The following TIAL1 variants were observed in gnomAD, a reference collection of about 807,000 sequenced individuals.
TIAL1 encodes nucleolysin TIAR.
TIAL1 carries 7 observed loss-of-function variants against 59.7 expected under a neutral mutation model. That is an observed-to-expected ratio of 0.12 (90% confidence interval 0.07 to 0.22). The LOEUF (loss-of-function observed/expected upper bound fraction) is 0.22, where lower values mean the gene tolerates loss of function less well. Among genes scored for constraint, TIAL1 ranks in the 10% least tolerant of loss-of-function variants. The pLI, the probability that TIAL1 is intolerant of heterozygous loss-of-function variation, is 1.00. For missense variants in TIAL1, 225 were observed against 462.5 expected (o/e 0.49, Z 4.71); for synonymous variants, 149 against 146.3 (o/e 1.02, Z -0.13).
rs1324658160 is a variant in TIAL1, at chr10:119,575,668, C to G, written c.1125G>C (p.Gln375His). 1.2e-6 allele frequency: 2 copies of G among 1,613,522 alleles called. No individual in the cohort carries two copies. Among genetic ancestry groups the G allele is most frequent in the Non-Finnish European group, 1.7e-6 (2 of 1,179,766 alleles). Residue 375 changes from glutamine to histidine, a missense_variant, in exon 12 of 12, where the codon CAG becomes CAC. Coordinates refer to ENST00000436547, the MANE Select transcript of TIAL1 (RefSeq NM_003252.4). ...AATTTTTTTTTAGAGTCCCGGCTCA[C>G]TGTGTTTGGTAACTTGCCATACCAT... ...AGYGMASYQT[Q>H] is the part of the protein sequence containing the mutation.
At chr10:119,585,194 T>A (rs538313963) in intron 2 of TIAL1, among the ~76,000 whole-genome samples, 2 of 150,370 alleles carry the variant, frequency 1.3e-5, no homozygotes, top group Non-Finnish European at 2.9e-5. Context: ...CTCAGCACTT[T>A]AGGAGGATGA....
At chr10:119,588,544 G>A (rs968706390) in intron 1 of TIAL1, among the ~76,000 whole-genome samples, 1 of 152,118 alleles carries the variant, frequency 6.6e-6, no homozygotes, top group Non-Finnish European at 1.5e-5. Context: ...GGGTTTCATC[G>A]TATTGGTCAG....
At chr10:119,587,195 C>G (rs1845609257) in intron 2 of TIAL1, among the ~76,000 whole-genome samples, 1 of 152,202 alleles carries the variant, frequency 6.6e-6, no homozygotes, top group African/African-American at 2.4e-5. Context: ...CTAGCCCTTT[C>G]CATAAACTCC....
In TIAL1 at chr10:119,574,774, T is replaced by C. The variant is rs944972731; in HGVS notation, c.*891A>G. The C allele has an allele frequency of 1.3e-5, 2 of 152,620 alleles. No individual in the cohort carries two copies. Among genetic ancestry groups the C allele is most frequent in the Non-Finnish European group, 2.9e-5 (2 of 68,022 alleles). The allele number at this position is 152,620 out of a possible 1,614,324, so 9.5% of individuals were successfully genotyped here. ...TTAACATTCTGATCAATCCACTGCA[T>C]TCAATGCAGCGGAGTGTGTTAAGTG... On this transcript the variant is annotated 3_prime_UTR_variant, in exon 12 of 12. Transcript: ENST00000436547.
chr10:119,575,885 T>C, intron 11 of TIAL1, 94 bp from the exon 12 acceptor site: 1 of 1,312,974 alleles, frequency 7.6e-7, no homozygotes, highest in Non-Finnish European at 1.0e-6. Context: ...AATCACAGAA[T>C]AGAAAACCAG....
Position 119,590,212 on chromosome 10 carries a change from C to A in TIAL1, c.33-1964G>T, listed in dbSNP as rs181609629. ...ACTAAACAAGTGACAAACTGTTTTACGTCCACTATGCCACCTTTTCCACGT... is the reference window on the plus strand; with the variant it reads ...ACTAAACAAGTGACAAACTGTTTTAAGTCCACTATGCCACCTTTTCCACGT... On this transcript the variant is annotated intron_variant, in intron 1 of 11. Transcript: ENST00000436547. 2.4e-4 allele frequency among the ~76,000 whole-genome samples: 36 copies of A among 152,324 alleles called. 1 individual carries two copies. Among genetic ancestry groups the A allele is most frequent in the African/African-American group, 8.4e-4 (35 of 41,578 alleles).
At chr10:119,590,513 C>T (rs1330554283) in intron 1 of TIAL1, among the ~76,000 whole-genome samples, 2 of 151,964 alleles carry the variant, frequency 1.3e-5, no homozygotes, top group African/African-American at 4.8e-5. Flanking sequence ...AGTTTGAGAC[C>T]AGCCTGACCA....
Position 119,575,224 on chromosome 10 carries a change from G to T in TIAL1, c.*441C>A, listed in dbSNP as rs1844925009. The T allele has an allele frequency of 6.4e-6, 1 of 157,276 alleles. No individual in the cohort carries two copies. The highest frequency in any genetic ancestry group is 1.4e-5 in the Non-Finnish European group (1 of 71,142). 9.7% of individuals were successfully genotyped at this position (157,276 alleles called of 1,614,324 possible). On this transcript the variant is annotated 3_prime_UTR_variant, in exon 12 of 12. Transcript: ENST00000436547. Reference sequence around the variant, plus strand: ...TTCAAATGTGGTCCACCTCAGGGAAGGGGAGGGGAGTATCAGGATTCAGGA... The same window carrying T: ...TTCAAATGTGGTCCACCTCAGGGAATGGGAGGGGAGTATCAGGATTCAGGA...
intron 1 of TIAL1, among the ~76,000 whole-genome samples, chr10:119,596,156 C>G (rs1295676612): frequency 6.6e-6 from 1 of 152,038 alleles, no homozygotes; most frequent in Non-Finnish European, 1.5e-5. Flanking sequence ...CAGCCTCAGC[C>G]GTGCAGAAAC....
intron 2 of TIAL1, among the ~76,000 whole-genome samples, chr10:119,584,748 G>C (rs1845467283): frequency 6.6e-6 from 1 of 152,120 alleles, no homozygotes; most frequent in Non-Finnish European, 1.5e-5. Context: ...AGAATCGTTT[G>C]AACCTGGGAG....
At chr10:119,591,469 G>T (rs549455347) in intron 1 of TIAL1, among the ~76,000 whole-genome samples, 3 of 151,710 alleles carry the variant, frequency 2.0e-5, no homozygotes, top group African/African-American at 7.3e-5. Flanking sequence ...AGATCTTGAA[G>T]AATTTCTAGA....
Position 119,596,791 on chromosome 10 carries a change from G to A in TIAL1, c.-326C>T. 2.6e-6 allele frequency: 1 copy of A among 390,754 alleles called. No individual in the cohort carries two copies. Among genetic ancestry groups the A allele is most frequent in the Non-Finnish European group, 4.7e-6 (1 of 212,736 alleles). The allele number at this position is 390,754 out of a possible 1,614,324, so 24.2% of individuals were successfully genotyped here. A position where few individuals can be genotyped will look rare whatever the true frequency, so the allele number is the denominator to read the frequency against. On this transcript the variant is annotated 5_prime_UTR_variant, in exon 1 of 12. Coordinates refer to ENST00000436547, the MANE Select transcript of TIAL1 (RefSeq NM_003252.4). Reference sequence around the variant, plus strand: ...GGGACGACCGAGGGGAGAGAAAAAAGGGCCGCCGAGGAAACCCTGGGACCC... The same window carrying A: ...GGGACGACCGAGGGGAGAGAAAAAAAGGCCGCCGAGGAAACCCTGGGACCC...
At position 119,596,588 on chromosome 10, in the gene TIAL1, C is replaced by G; in HGVS notation, c.-123G>C. ...GGGGACAGAGGAAAAGGCACCGAAC[C>G]CTGCTCTCGGGCTCTCTCCCCCCAG... On this transcript the variant is annotated 5_prime_UTR_variant, in exon 1 of 12. Transcript: ENST00000436547. 2.6e-6 allele frequency: 2 copies of G among 774,896 alleles called. No individual in the cohort carries two copies. Among genetic ancestry groups the G allele is most frequent in the Non-Finnish European group, 4.1e-6 (2 of 486,610 alleles). The allele number at this position is 774,896 out of a possible 1,614,324, so 48.0% of individuals were successfully genotyped here. A position where few individuals can be genotyped will look rare whatever the true frequency, so the allele number is the denominator to read the frequency against.
intron 9 of TIAL1, 90 bp downstream of exon 9, chr10:119,577,361 A>G: frequency 6.9e-7 from 1 of 1,453,354 alleles, no homozygotes; most frequent in South Asian, 1.3e-5. Flanking sequence ...AAGAAGCACT[A>G]AAATAACAAA....
intron 1 of TIAL1, among the ~76,000 whole-genome samples, chr10:119,590,486 C>T (rs964164757): frequency 6.6e-5 from 10 of 151,720 alleles, no homozygotes; most frequent in Non-Finnish European, 1.3e-4. Context: ...CTATGGCAGG[C>T]GGATCATGAG....
chr10:119,576,463 C>T, intron 11 of TIAL1, 148 bp downstream of exon 11: 1 of 1,105,714 alleles, frequency 9.0e-7, no homozygotes, highest in Non-Finnish European at 1.3e-6. Context: ...CCTCATAAAT[C>T]ATATTTTGTT....
intron 1 of TIAL1, among the ~76,000 whole-genome samples, chr10:119,594,673 G>A (rs1410617624): frequency 1.3e-5 from 2 of 152,078 alleles, no homozygotes; most frequent in Non-Finnish European, 2.9e-5. Flanking sequence ...TCACCAGTCT[G>A]GAGTGCAGTG....
intron 1 of TIAL1, among the ~76,000 whole-genome samples, chr10:119,589,366 C>CACCT (rs1564743236): frequency 2.0e-5 from 3 of 152,070 alleles, no homozygotes; most frequent in Non-Finnish European, 4.4e-5. Flanking sequence ...CCACCACGCC[C>CACCT]GGCTAATTTT....
rs561171907 is a variant in TIAL1 at position 119,582,867 on chromosome 10, C to G, written c.130-310G>C. Among the ~76,000 whole-genome samples, 5 of 152,092 alleles carry G rather than the reference C, an allele frequency of 3.3e-5. No homozygotes were observed. The highest frequency in any genetic ancestry group is 5.9e-5 in the Non-Finnish European group (4 of 67,956). Reference sequence around the variant, plus strand: ...AAGATTATATTAAACCAAACAAAACCTCAAACTCAGATCTGATGAGGACCA... The same window carrying G: ...AAGATTATATTAAACCAAACAAAACGTCAAACTCAGATCTGATGAGGACCA... On this transcript the variant is annotated intron_variant, in intron 2 of 11. Transcript: ENST00000436547. This position sits in a 1 kb window ranked among gnomAD's most constrained non-coding sequence, Gnocchi z 5.1.
Sources: gnomAD v4.1 joint callset for allele counts (sites outside exome capture counted in the v4.1 genomes callset) on GRCh38, gnomAD v4.1.1 for gene constraint, Gnocchi (gnomAD v3.1) non-coding constraint, MANE v1.5 for transcripts, NCBI Gene and HGNC (gene_info 2026-07-23, HGNC 2026-07-21) for gene names.